MYO5B: variants seen among roughly 807,000 people sequenced by gnomAD.
MYO5B encodes myosin VB, also known as unconventional myosin-Vb.
MYO5B carries 143 observed loss-of-function variants against 229.3 expected under a neutral mutation model. The observed-to-expected ratio is 0.62, with a 90% CI of 0.54 to 0.72. MYO5B has a LOEUF of 0.72. MYO5B is among the 30% of genes least tolerant of loss of function. MYO5B has a pLI of 0.00. For synonymous variants in MYO5B, 918 were observed against 885.2 expected, an observed-to-expected ratio of 1.04 and a Z score of -0.66; for missense variants, 2,321 against 2,331.0, an observed-to-expected ratio of 1.00 and a Z score of 0.09.
At chr18:50,003,100 G>T (rs1023506308) in intron 4 of MYO5B, among the ~76,000 whole-genome samples, 1 of 152,116 alleles carries the variant, frequency 6.6e-6, no homozygotes, top group Admixed American at 6.5e-5. Context: ...GGTGGGAGCC[G>T]AAGGCAGAGT....
Position 49,977,397 on chromosome 18 carries a change from T to C in MYO5B, c.1057-2782A>G, listed in dbSNP as rs376980328. ...TCATGCTTTAATTAAAAATAAAAAC[T>C]ACTGAGCAGAAGGCACACTGCGTAT... is the stretch of plus-strand genomic sequence containing the variant. On this transcript the variant is annotated intron_variant, in intron 9 of 39. Coordinates refer to ENST00000285039, the MANE Select transcript of MYO5B (RefSeq NM_001080467.3). Among the ~76,000 whole-genome samples, 31 of 152,084 alleles carry C rather than the reference T, an allele frequency of 2.0e-4. 1 individual carries two copies. The South Asian group carries it at 5.4e-3, about 27-fold the overall frequency.
At chr18:50,191,306 A>G (rs1472025222) in intron 1 of MYO5B, among the ~76,000 whole-genome samples, 3 of 152,206 alleles carry the variant, frequency 2.0e-5, no homozygotes, top group African/African-American at 7.2e-5. Flanking sequence ...AGAACTGGAA[A>G]CCCATTAACA....
At chr18:49,843,169 A>T (rs1214770240) in intron 34 of MYO5B, 72 bp downstream of exon 34, 1 of 1,593,272 alleles carries the variant, frequency 6.3e-7, no homozygotes, top group East Asian at 2.2e-5. Context: ...ACCCAGACAC[A>T]GAGAAGCAAC....
chr18:50,164,242 G>A (rs1463316482), intron 1 of MYO5B, among the ~76,000 whole-genome samples: 3 of 152,306 alleles, frequency 2.0e-5, no homozygotes, highest in Middle Eastern at 3.4e-3. Flanking sequence ...TCTTTATGTA[G>A]TAGTGACTCA....
At chr18:49,908,527 G>T (rs1455318714) in intron 18 of MYO5B, among the ~76,000 whole-genome samples, 1 of 152,122 alleles carries the variant, frequency 6.6e-6, no homozygotes, top group African/African-American at 2.4e-5. Context: ...CCCAGATCTG[G>T]GTCTCCCAGG....
intron 10 of MYO5B, among the ~76,000 whole-genome samples, chr18:49,971,886 T>C (rs2025696012): frequency 6.6e-6 from 1 of 152,120 alleles, no homozygotes; most frequent in African/African-American, 2.4e-5. Flanking sequence ...ACTTTTAAAA[T>C]ATGACAACTT....
At chr18:49,955,194 A>G (rs980457797) in intron 12 of MYO5B, among the ~76,000 whole-genome samples, 1 of 152,228 alleles carries the variant, frequency 6.6e-6, no homozygotes, top group Non-Finnish European at 1.5e-5. Flanking sequence ...CTCACTGTCT[A>G]AAGTCAGACT....
At chr18:49,965,279 G>A (rs990893981) in intron 10 of MYO5B, among the ~76,000 whole-genome samples, 15 of 152,146 alleles carry the variant, frequency 9.9e-5, no homozygotes, top group African/African-American at 2.9e-4. Context: ...TCACCATGCC[G>A]GCAACATTAT....
chr18:50,029,812 A>C (rs898403290), intron 4 of MYO5B, among the ~76,000 whole-genome samples: 2 of 152,188 alleles, frequency 1.3e-5, no homozygotes, highest in Non-Finnish European at 2.9e-5. Flanking sequence ...AGGTTGGGAG[A>C]GAAGAGGTTA....
At chr18:50,001,754 C>T (rs1372125959) in intron 4 of MYO5B, among the ~76,000 whole-genome samples, 2 of 151,598 alleles carry the variant, frequency 1.3e-5, no homozygotes, top group African/African-American at 4.8e-5. Flanking sequence ...ACACACAGAC[C>T]AGGCGTGGTG....
chr18:50,154,338 T>C (rs1407910042), intron 1 of MYO5B, among the ~76,000 whole-genome samples: 1 of 152,248 alleles, frequency 6.6e-6, no homozygotes, highest in African/African-American at 2.4e-5. Flanking sequence ...AGACAATCCA[T>C]GACCTCACAA....
chr18:50,183,598 C>T (rs1195324464), intron 1 of MYO5B, among the ~76,000 whole-genome samples: 1 of 151,880 alleles, frequency 6.6e-6, no homozygotes, highest in African/African-American at 2.4e-5. Flanking sequence ...AAAAGTGGAC[C>T]AAGGCCCTGA....
At position 49,847,134 on chromosome 18, in the gene MYO5B, G is replaced by A; in HGVS notation, c.4459+12C>T. On this transcript the variant is annotated intron_variant, in intron 33 of 39. Transcript: ENST00000285039. ...GGGGCAGGCAGCATAGGGTGGCACA[G>A]AGGGTCCTTACCTGTCACCAGGTTC... The A allele has an allele frequency of 6.2e-7, 1 of 1,614,068 alleles. No individual in the cohort carries two copies. Among genetic ancestry groups the A allele is most frequent in the South Asian group, 1.1e-5 (1 of 91,080 alleles).
Position 49,984,838 on chromosome 18 carries a change from A to T in MYO5B, c.839-13T>A. On this transcript the variant is annotated splice_polypyrimidine_tract_variant and intron_variant, in intron 7 of 39. Coordinates refer to ENST00000285039, the MANE Select transcript of MYO5B (RefSeq NM_001080467.3). ...TCCTCTGCACTTGCTGTGGGAGGCG[A>T]GGAAATAAGGCATGAGGCACTGGAG... 1 of 1,550,576 alleles carries T rather than the reference A, an allele frequency of 6.4e-7. No individual in the cohort carries two copies. Among genetic ancestry groups the T allele is most frequent in the South Asian group, 1.1e-5 (1 of 89,788 alleles).
intron 1 of MYO5B, among the ~76,000 whole-genome samples, chr18:50,074,822 G>T (rs557736502): frequency 2.5e-4 from 37 of 149,174 alleles, no homozygotes; most frequent in African/African-American, 8.3e-4. Flanking sequence ...TTTTTTGGGG[G>T]TTTTTTTGTT....
At chr18:50,188,787 A>T (rs1228967558) in intron 1 of MYO5B, among the ~76,000 whole-genome samples, 1 of 7,388 alleles carries the variant, frequency 1.4e-4, no homozygotes, top group African/African-American at 4.5e-4. Flanking sequence ...CTCTGTCATA[A>T]AAAAAAAAAA....
chr18:50,004,774 G>C (rs912634396), intron 4 of MYO5B, among the ~76,000 whole-genome samples: 1 of 152,104 alleles, frequency 6.6e-6, no homozygotes, highest in South Asian at 2.1e-4. Context: ...AAATAGAGGT[G>C]GGGTAGGTGC....
At chr18:50,087,817 G>A (rs914161599) in intron 1 of MYO5B, among the ~76,000 whole-genome samples, 1 of 152,106 alleles carries the variant, frequency 6.6e-6, no homozygotes, top group Non-Finnish European at 1.5e-5. Context: ...AGGTCTCCAA[G>A]GTGATGCTAG....
intron 1 of MYO5B, among the ~76,000 whole-genome samples, chr18:50,137,981 G>A (rs754475821): frequency 2.6e-5 from 4 of 152,118 alleles, no homozygotes; most frequent in Non-Finnish European, 2.9e-5. Flanking sequence ...CCTAATTGAG[G>A]GTGGACGATG....
Sources: allele counts gnomAD v4.1 joint callset (sites outside exome capture counted in the v4.1 genomes callset), GRCh38; gene constraint gnomAD v4.1.1; transcripts MANE v1.5; gene names NCBI Gene and HGNC (gene_info 2026-07-23, HGNC 2026-07-21).